ZBTB20: variants seen among roughly 807,000 people sequenced by gnomAD.
The protein encoded by ZBTB20 is zinc finger and BTB domain containing 20.
Under a neutral mutation model 56.9 loss-of-function variants are expected in ZBTB20, and 9 were observed. That is an observed-to-expected ratio of 0.16 (90% confidence interval 0.10 to 0.28). The LOEUF is 0.28. ZBTB20 is among the 10% of genes least tolerant of loss of function. The pLI, the probability that ZBTB20 is intolerant of heterozygous loss-of-function variation, is 1.00. For synonymous variants in ZBTB20, 417 were observed against 420.7 expected, an observed-to-expected ratio of 0.99 and a Z score of 0.11; for missense variants, 655 against 1,003.0, an observed-to-expected ratio of 0.65 and a Z score of 4.69.
At chr3:114,592,261 C>T (rs917323263) in intron 6 of ZBTB20, among the ~76,000 whole-genome samples, 3 of 152,048 alleles carry the variant, frequency 2.0e-5, no homozygotes, top group African/African-American at 7.2e-5. Context: ...CTGCTGGTTA[C>T]GTGGAGTTAT....
At position 114,338,627 on chromosome 3, in the gene ZBTB20, T is replaced by TTA. The variant is rs1270774352; in HGVS notation, c.*377_*378insTA. 1 of 162,642 alleles carries TTA rather than the reference T, an allele frequency of 6.1e-6. No homozygotes were observed. Among genetic ancestry groups the TTA allele is most frequent in the African/African-American group, 2.4e-5 (1 of 41,816 alleles). 10.1% of individuals were successfully genotyped at this position (162,642 alleles called of 1,614,324 possible). ...CCTTTTAGATTTTGTTATATATTTT[T>TTA]TGTAGTGCTCTTCACAAGTGGAAAT... is the stretch of plus-strand genomic sequence containing the variant. On this transcript the variant is annotated 3_prime_UTR_variant, in exon 12 of 12. Coordinates refer to ENST00000675478, the MANE Select transcript of ZBTB20 (RefSeq NM_001348800.3).
At chr3:114,779,566 T>C (rs1021289194) in intron 5 of ZBTB20, among the ~76,000 whole-genome samples, 2 of 152,306 alleles carry the variant, frequency 1.3e-5, no homozygotes, top group Non-Finnish European at 2.9e-5. Context: ...AGATAAAATA[T>C]AAAATAATTT....
intron 7 of ZBTB20, among the ~76,000 whole-genome samples, chr3:114,488,720 A>G (rs2042408073): frequency 6.6e-6 from 1 of 152,236 alleles, no homozygotes; most frequent in South Asian, 2.1e-4. Flanking sequence ...TCCTAAGGAA[A>G]TAATCATGTA....
At chr3:114,993,392 A>G (rs1428287771) in intron 2 of ZBTB20, among the ~76,000 whole-genome samples, 1 of 151,912 alleles carries the variant, frequency 6.6e-6, no homozygotes, top group African/African-American at 2.4e-5. Context: ...TACAATTAGT[A>G]AAGATATAGA....
chr3:114,794,720 C>T (rs1326230979), intron 5 of ZBTB20, among the ~76,000 whole-genome samples: 1 of 151,982 alleles, frequency 6.6e-6, no homozygotes, highest in South Asian at 2.1e-4. Context: ...TGCAAACAAA[C>T]CAATATCTCT....
intron 5 of ZBTB20, among the ~76,000 whole-genome samples, chr3:114,755,198 A>T (rs1472873641): frequency 6.6e-6 from 1 of 152,184 alleles, no homozygotes; most frequent in Non-Finnish European, 1.5e-5. Flanking sequence ...GTAATATAAT[A>T]ATAAATCTAT....
intron 7 of ZBTB20, among the ~76,000 whole-genome samples, chr3:114,403,461 G>A (rs1276490775): frequency 6.6e-6 from 1 of 152,116 alleles, no homozygotes; most frequent in Non-Finnish European, 1.5e-5. Context: ...GGGACTCAGA[G>A]TGGGTAAATG....
intron 5 of ZBTB20, among the ~76,000 whole-genome samples, chr3:114,780,152 C>T (rs1263127508): frequency 1.3e-5 from 2 of 152,018 alleles, no homozygotes; most frequent in Non-Finnish European, 2.9e-5. Context: ...TAATTTTTTT[C>T]TTAATAAAAT....
At position 114,338,058 on chromosome 3, in the gene ZBTB20, T is replaced by C; in HGVS notation, c.*947A>G. ...TTGTTCCCCCCACCCTCCATTTCTTTTTCTTTTTCTCTTCCACAAGAATAT... is the reference window on the plus strand; with the variant it reads ...TTGTTCCCCCCACCCTCCATTTCTTCTTCTTTTTCTCTTCCACAAGAATAT... On this transcript the variant is annotated 3_prime_UTR_variant, in exon 12 of 12. Transcript: ENST00000675478. 6.6e-6 allele frequency: 1 copy of C among 152,106 alleles called. No homozygotes were observed. Among genetic ancestry groups the C allele is most frequent in the East Asian group, 1.9e-4 (1 of 5,200 alleles). The allele number at this position is 152,106 out of a possible 1,614,324, so 9.4% of individuals were successfully genotyped here. A position where few individuals can be genotyped will look rare whatever the true frequency, so the allele number is the denominator to read the frequency against.
At position 114,653,551 on chromosome 3, in the gene ZBTB20, T is replaced by C. The variant is rs552797321; in HGVS notation, c.-295+39977A>G. 7.9e-5 allele frequency among the ~76,000 whole-genome samples: 12 copies of C among 152,130 alleles called. No individual in the cohort carries two copies. The South Asian group carries it at 2.5e-3, about 32-fold the overall frequency. ...ATATTTTGTTAAAGATTATTGTGCC[T>C]AGAACCATGAGGAATATTGGCCTAT... is the stretch of plus-strand genomic sequence containing the variant. On this transcript the variant is annotated intron_variant, in intron 6 of 11. Coordinates refer to ENST00000675478, the MANE Select transcript of ZBTB20 (RefSeq NM_001348800.3).
chr3:115,063,186 G>GAGTTAAT (rs2082074924), intron 2 of ZBTB20, among the ~76,000 whole-genome samples: 1 of 152,130 alleles, frequency 6.6e-6, no homozygotes, highest in South Asian at 2.1e-4. Flanking sequence ...ACTTCATCAT[G>GAGTTAAT]AGTTAATCTA....
chr3:114,803,353 T>C (rs896439656), intron 4 of ZBTB20, among the ~76,000 whole-genome samples: 3 of 151,806 alleles, frequency 2.0e-5, no homozygotes, highest in African/African-American at 7.3e-5. Context: ...GTACTACTCA[T>C]CACGAGGAGA....
At chr3:114,858,463 A>T (rs1187148215) in intron 4 of ZBTB20, among the ~76,000 whole-genome samples, 1 of 151,938 alleles carries the variant, frequency 6.6e-6, no homozygotes, top group Admixed American at 6.6e-5. Context: ...TCCATTTTAC[A>T]TTTTCTCTTT....
chr3:114,853,806 G>GT (rs1422949594), intron 4 of ZBTB20, among the ~76,000 whole-genome samples: 3 of 152,198 alleles, frequency 2.0e-5, no homozygotes, highest in African/African-American at 7.2e-5. Flanking sequence ...ACCCCAATTA[G>GT]TATCTGTAAA....
intron 7 of ZBTB20, among the ~76,000 whole-genome samples, chr3:114,450,745 C>T (rs61553239): frequency 0.013 from 2,023 of 151,970 alleles, 46 homozygotes; most frequent in African/African-American, 0.045. Context: ...TTTTCTTTTG[C>T]TAACTAAAAT....
chr3:114,418,485 C>T (rs2088809123), intron 7 of ZBTB20, among the ~76,000 whole-genome samples: 1 of 151,722 alleles, frequency 6.6e-6, no homozygotes, highest in African/African-American at 2.4e-5. Context: ...TAAACATTTG[C>T]TTTCCAGAAT....
At chr3:114,568,150 G>T (rs1465573746) in intron 6 of ZBTB20, among the ~76,000 whole-genome samples, 1 of 152,238 alleles carries the variant, frequency 6.6e-6, no homozygotes, top group Non-Finnish European at 1.5e-5. Flanking sequence ...AGAACAGGCT[G>T]AGGAGGAACT....
chr3:115,133,003 T>C (rs1464595290), intron 1 of ZBTB20, among the ~76,000 whole-genome samples: 1 of 152,216 alleles, frequency 6.6e-6, no homozygotes, highest in African/African-American at 2.4e-5. Flanking sequence ...TTTAATATAC[T>C]TCGTAAGTGA....
At chr3:114,430,312 CTGG>C (rs1441692072) in intron 7 of ZBTB20, among the ~76,000 whole-genome samples, 1 of 152,116 alleles carries the variant, frequency 6.6e-6, no homozygotes, top group Admixed American at 6.5e-5. Context: ...TCCATTTCTT[CTGG>C]TAAAGAAACT....
Sources: allele counts gnomAD v4.1 joint callset (sites outside exome capture counted in the v4.1 genomes callset), GRCh38; gene constraint gnomAD v4.1.1; transcripts MANE v1.5; gene names NCBI Gene and HGNC (gene_info 2026-07-23, HGNC 2026-07-21).